Variants in PIGN observed in about 807,000 individuals in gnomAD.
PIGN encodes GPI ethanolamine phosphate transferase 1.
PIGN carries 117 observed loss-of-function variants against 125.4 expected under a neutral mutation model. The ratio of observed to expected loss-of-function variants is 0.93; its 90% CI spans 0.80 to 1.09. The LOEUF is 1.09. Ranked by LOEUF, PIGN falls within the 50% of genes least tolerant of loss-of-function variation. The pLI is 0.00. For missense variants in PIGN, 1,075 were observed against 1,094.9 expected (o/e 0.98, Z 0.26); for synonymous variants, 392 against 377.8 (o/e 1.04, Z -0.44).
At chr18:62,039,487 TCCAGGGTGCCGCATCTCATGTTTAGGGCC>T (rs2030307800), downstream of PIGN, among the ~76,000 whole-genome samples, 1 of 148,502 alleles carries the variant, frequency 6.7e-6, no homozygotes, top group African/African-American at 2.5e-5. Context: ...TAGGGCCCCA[TCCAGGGTGCCGCATCTCATGTTTAGGGCC>T]CCATCCAGGG....
chr18:62,048,673 T>C (rs28778031), intron 30 of PIGN, among the ~76,000 whole-genome samples: 1 of 147,398 alleles, frequency 6.8e-6, no homozygotes, highest in African/African-American at 2.5e-5. Flanking sequence ...CCTAAAAGAA[T>C]GTCTGAAGGA....
chr18:62,029,082 G>C (rs1223118028), intron 23 of PIGN, among the ~76,000 whole-genome samples: 1 of 152,216 alleles, frequency 6.6e-6, no homozygotes, highest in Non-Finnish European at 1.5e-5. Flanking sequence ...TCACTTCCAT[G>C]TGCCTTCCAT....
rs28425748 is a variant in PIGN at position 62,125,199 on chromosome 18, T to C, written c.1173-10560A>G. Among the ~76,000 whole-genome samples the C allele has an allele frequency of 6.4e-3, 957 of 149,892 alleles. 17 individuals are homozygous for C. Among genetic ancestry groups the C allele is most frequent in the East Asian group, 0.033 (166 of 4,988 alleles). ...ATATAAATATACACGTTTGTACATA[T>C]GTGTATATAAATATACACGTTTGTA... On this transcript the variant is annotated intron_variant, in intron 14 of 30. Coordinates refer to ENST00000640252, the MANE Select transcript of PIGN (RefSeq NM_176787.5).
rs1256106977 is a variant in PIGN, at chr18:62,147,148, TC to T, written c.675-48del. 2.6e-6 allele frequency: 4 copies of T among 1,531,936 alleles called. No homozygotes were observed. In the African/African-American group the frequency reaches 5.5e-5, roughly 21 times the overall value. 94.9% of individuals were successfully genotyped at this position (1,531,936 alleles called of 1,614,324 possible). A position where few individuals can be genotyped will look rare whatever the true frequency, so the allele number is the denominator to read the frequency against. On this transcript the variant is annotated intron_variant, in intron 8 of 30. Coordinates refer to ENST00000640252, the MANE Select transcript of PIGN (RefSeq NM_176787.5). ...AACAAATTAAATTAATTTGGAGAAA[TC>T]AAATTTATTCAACGTGGATTCATTA...
intron 28 of PIGN, 173 bp from the exon 29 acceptor site, chr18:62,074,994 A>G (rs1408960572): frequency 3.9e-6 from 2 of 517,976 alleles, no homozygotes; most frequent in Non-Finnish European, 6.9e-6. Context: ...TACCATAGAG[A>G]TGAGCTGGAC....
intron 23 of PIGN, among the ~76,000 whole-genome samples, chr18:62,090,949 C>CA (rs1195685593): frequency 1.3e-5 from 2 of 151,848 alleles, no homozygotes; most frequent in African/African-American, 4.8e-5. Context: ...TCTAAATTTT[C>CA]AAAAAAATGG....
chr18:62,100,373 G>GT (rs1248960411), intron 22 of PIGN, among the ~76,000 whole-genome samples: 3 of 152,298 alleles, frequency 2.0e-5, no homozygotes, highest in Admixed American at 1.3e-4. Context: ...TGGTGGGAAT[G>GT]TAAGTTAGTA....
chr18:62,115,050 T>A lies in PIGN; in HGVS notation c.1173-411A>T, dbSNP rs187183877. Among the ~76,000 whole-genome samples, 56 of 152,310 alleles carry A rather than the reference T, an allele frequency of 3.7e-4. No individual in the cohort carries two copies. In the East Asian group the frequency reaches 0.01, roughly 28 times the overall value. On this transcript the variant is annotated intron_variant, in intron 14 of 30. Coordinates refer to ENST00000640252, the MANE Select transcript of PIGN (RefSeq NM_176787.5). ...GACAGATCCATCAATGTTCTTTTTATCCCTGAGCCAAACAGGGCCTGAGAA... is the reference window on the plus strand; with the variant it reads ...GACAGATCCATCAATGTTCTTTTTAACCCTGAGCCAAACAGGGCCTGAGAA...
intron 1 of PIGN, among the ~76,000 whole-genome samples, chr18:62,179,706 C>T (rs939221969): frequency 6.6e-6 from 1 of 152,118 alleles, no homozygotes; most frequent in Non-Finnish European, 1.5e-5. Flanking sequence ...GAGATCACGC[C>T]ACTGCACTCC....
chr18:62,085,881 C>T (rs1007121426), intron 25 of PIGN, among the ~76,000 whole-genome samples: 1 of 152,160 alleles, frequency 6.6e-6, no homozygotes, highest in African/African-American at 2.4e-5. Flanking sequence ...GTGCCTAGCC[C>T]ACTGAAAGGG....
At chr18:62,112,970 G>T in intron 16 of PIGN, 164 bp downstream of exon 16, 1 of 551,208 alleles carries the variant, frequency 1.8e-6, no homozygotes, top group South Asian at 3.0e-5. Flanking sequence ...CTCAACTGAA[G>T]AAACAGAGAT....
At chr18:62,040,311 T>C (rs1043031520), downstream of PIGN, among the ~76,000 whole-genome samples, 3 of 152,202 alleles carry the variant, frequency 2.0e-5, no homozygotes, top group East Asian at 5.8e-4. Context: ...CCATCCAGGG[T>C]GCCGCACCCC....
intron 28 of PIGN, among the ~76,000 whole-genome samples, chr18:62,079,226 G>C (rs1333765764): frequency 6.6e-6 from 1 of 152,212 alleles, no homozygotes; most frequent in Non-Finnish European, 1.5e-5. Flanking sequence ...TCTCCTTAGA[G>C]AAGTCTCCCT....
chr18:62,046,880 CG>C (rs1445024289), intron 30 of PIGN, among the ~76,000 whole-genome samples: 1 of 152,096 alleles, frequency 6.6e-6, no homozygotes, highest in Non-Finnish European at 1.5e-5. Flanking sequence ...TATAAACAAA[CG>C]TAAGACGACT....
chr18:62,157,643 T>C (rs1011435860), intron 5 of PIGN, 44 bp downstream of exon 5: 2 of 1,564,714 alleles, frequency 1.3e-6, no homozygotes, highest in Admixed American at 1.8e-5. Context: ...TAATATTTAC[T>C]TGACAAATTT....
chr18:62,035,740 T>C (rs1167588248), intron 23 of PIGN, among the ~76,000 whole-genome samples: 4 of 149,866 alleles, frequency 2.7e-5, no homozygotes, highest in African/African-American at 4.9e-5. Context: ...AGTGTTCTCA[T>C]TGTTCGATTC....
At chr18:62,096,003 G>A (rs1402656883) in intron 22 of PIGN, 53 bp from the exon 23 acceptor site, 10 of 1,190,402 alleles carry the variant, frequency 8.4e-6, no homozygotes, top group South Asian at 2.5e-5. Flanking sequence ...CAAAAAAAAT[G>A]TTAGCGTAGG....
At chr18:62,167,039 C>A (rs972897173) in intron 1 of PIGN, among the ~76,000 whole-genome samples, 1 of 152,174 alleles carries the variant, frequency 6.6e-6, no homozygotes, top group African/African-American at 2.4e-5. Flanking sequence ...GTGCATTCTG[C>A]ACATGTATCC....
chr18:62,063,319 A>ATCCAAAATCTAT (rs2032306760), intron 30 of PIGN, among the ~76,000 whole-genome samples: 1 of 125,704 alleles, frequency 8.0e-6, no homozygotes, highest in African/African-American at 3.0e-5. Flanking sequence ...TATAGATTTT[A>ATCCAAAATCTAT]GCCAAAATCT....
Sources: allele counts gnomAD v4.1 joint callset (sites outside exome capture counted in the v4.1 genomes callset), GRCh38; gene constraint gnomAD v4.1.1; transcripts MANE v1.5; gene names NCBI Gene and HGNC (gene_info 2026-07-23, HGNC 2026-07-21).